Variants in KANSL1 observed in about 807,000 individuals in gnomAD.
The protein encoded by KANSL1 is MLL1/MLL complex subunit KANSL1.
Under a neutral mutation model 103.6 loss-of-function variants are expected in KANSL1, and 22 were observed. The observed-to-expected ratio is 0.21, with a 90% CI of 0.15 to 0.30. The LOEUF (loss-of-function observed/expected upper bound fraction) is 0.30, where lower values mean the gene tolerates loss of function less well. KANSL1 is among the 10% of genes least tolerant of loss of function. KANSL1 has a pLI of 1.00. For synonymous variants in KANSL1, 600 were observed against 527.6 expected (o/e 1.14, Z -1.88); for missense variants, 1,337 against 1,399.8 (o/e 0.96, Z 0.72).
intron 1 of KANSL1, among the ~76,000 whole-genome samples, chr17:46,204,581 C>T (rs1256848258): frequency 6.6e-6 from 1 of 152,168 alleles, no homozygotes; most frequent in Non-Finnish European, 1.5e-5. Context: ...AAGATGAAGC[C>T]AAGAACACAT....
chr17:46,082,683 A>G, intron 3 of KANSL1, 141 bp from the exon 4 acceptor site: 1 of 472,518 alleles, frequency 2.1e-6, no homozygotes, highest in Non-Finnish European at 3.8e-6. Flanking sequence ...AAACTACAGC[A>G]GCAGCAGCTT....
intron 1 of KANSL1, among the ~76,000 whole-genome samples, chr17:46,190,356 T>C (rs2047255689): frequency 6.6e-6 from 1 of 152,200 alleles, no homozygotes; most frequent in South Asian, 2.1e-4. Flanking sequence ...ACCAGAGAAA[T>C]AACATGTGTA....
rs762283385 is a variant in KANSL1, at chr17:46,039,690, C to G, written c.2203+12G>C. ...GATACTCTGGGGGACTTCCCGGCTC[C>G]CTGACACTTACTGGCTGTTGTTAGG... On this transcript the variant is annotated intron_variant, in intron 8 of 14. Transcript: ENST00000432791. 4 of 1,608,962 alleles carry G rather than the reference C, an allele frequency of 2.5e-6. No homozygotes were observed. The East Asian group carries it at 8.9e-5, about 36-fold the overall frequency.
At chr17:46,077,660 CG>C (rs1241186714) in intron 4 of KANSL1, among the ~76,000 whole-genome samples, 1 of 152,122 alleles carries the variant, frequency 6.6e-6, no homozygotes, top group Non-Finnish European at 1.5e-5. Context: ...TGAGTTCAAG[CG>C]ATTCTCCTGC....
At chr17:46,188,683 G>T (rs1330002600) in intron 1 of KANSL1, among the ~76,000 whole-genome samples, 2 of 152,148 alleles carry the variant, frequency 1.3e-5, no homozygotes, top group Admixed American at 1.3e-4. Context: ...CTCAAGGCAG[G>T]AACATTTAAA....
intron 2 of KANSL1, among the ~76,000 whole-genome samples, chr17:46,139,484 C>T (rs907321640): frequency 2.0e-5 from 3 of 152,212 alleles, no homozygotes; most frequent in African/African-American, 7.2e-5. Context: ...ACTCACCCAT[C>T]TAAATGTGCA....
intron 3 of KANSL1, among the ~76,000 whole-genome samples, chr17:46,090,839 G>C (rs1211855786): frequency 6.6e-6 from 1 of 152,182 alleles, no homozygotes; most frequent in Non-Finnish European, 1.5e-5. Context: ...GAAACCTACA[G>C]TGCTGCTATT....
intron 2 of KANSL1, among the ~76,000 whole-genome samples, chr17:46,133,990 G>A (rs139462591): frequency 2.0e-5 from 3 of 152,342 alleles, no homozygotes; most frequent in Non-Finnish European, 4.4e-5. Flanking sequence ...GGAGTGACCA[G>A]ACAGGAATGA....
At chr17:46,142,330 A>C (rs1236967667) in intron 2 of KANSL1, among the ~76,000 whole-genome samples, 1 of 152,240 alleles carries the variant, frequency 6.6e-6, no homozygotes, top group Non-Finnish European at 1.5e-5. Flanking sequence ...AAAACATTAC[A>C]ACAGCCTGGC....
At chr17:46,059,933 G>C (rs1006899753) in intron 6 of KANSL1, among the ~76,000 whole-genome samples, 3 of 151,964 alleles carry the variant, frequency 2.0e-5, no homozygotes, top group Non-Finnish European at 4.4e-5. Flanking sequence ...ACTCCATCTT[G>C]GGGGAGGGGA....
rs58711350 is a variant in KANSL1, at chr17:46,046,528, C to CAAAAAAA, written c.2020+3998_2020+4004dup. On this transcript the variant is annotated intron_variant, in intron 7 of 14. Transcript: ENST00000432791. ...CCTGAGTGACAGAGTGAGACTCTGT[C>CAAAAAAA]AAAAAAAAAAAAAAAAAAAAAAAAA... 5.1e-4 allele frequency among the ~76,000 whole-genome samples: 17 copies of CAAAAAAA among 33,176 alleles called. 3 individuals carry two copies. In the East Asian group the frequency reaches 6.9e-3, roughly 14 times the overall value. 21.8% of individuals were successfully genotyped at this position (33,176 alleles called of 152,430 possible).
chr17:46,032,991 C>CA (rs2077051507), intron 13 of KANSL1, 89 bp downstream of exon 13: 3 of 959,214 alleles, frequency 3.1e-6, no homozygotes, highest in Non-Finnish European at 4.6e-6. Flanking sequence ...AACCAAGAGG[C>CA]AGTAGCAATT....
intron 6 of KANSL1, among the ~76,000 whole-genome samples, chr17:46,054,617 G>C (rs1207605258): frequency 6.6e-6 from 1 of 152,094 alleles, no homozygotes; most frequent in Non-Finnish European, 1.5e-5. Context: ...CTTCTTGCAT[G>C]GTTCCCACAA....
At chr17:46,200,889 C>T (rs1597957448) in intron 1 of KANSL1, among the ~76,000 whole-genome samples, 1 of 152,090 alleles carries the variant, frequency 6.6e-6, no homozygotes, top group Non-Finnish European at 1.5e-5. Context: ...AGCAGCATAC[C>T]ATTCTTGGAA....
chr17:46,091,879 C>G (rs114510053), intron 3 of KANSL1, among the ~76,000 whole-genome samples: 3 of 152,158 alleles, frequency 2.0e-5, no homozygotes, highest in Admixed American at 1.3e-4. Flanking sequence ...AGTGCAGTGT[C>G]GCGATCTCAG....
At chr17:46,089,791 C>A (rs1469261071) in intron 3 of KANSL1, among the ~76,000 whole-genome samples, 2 of 152,236 alleles carry the variant, frequency 1.3e-5, no homozygotes, top group Admixed American at 6.5e-5. Flanking sequence ...CTGCTCTGAT[C>A]TTCCATTGTT....
intron 2 of KANSL1, among the ~76,000 whole-genome samples, chr17:46,145,754 A>G (rs962249913): frequency 6.6e-6 from 1 of 152,110 alleles, no homozygotes; most frequent in African/African-American, 2.4e-5. Flanking sequence ...TCTTGAGAGG[A>G]GTGACTCTCT....
At chr17:46,038,324 T>C in intron 10 of KANSL1, 1 of 580,128 alleles carries the variant, frequency 1.7e-6, no homozygotes, top group South Asian at 2.4e-5. Flanking sequence ...AATCCATCTC[T>C]GCTATGAAAA....
chr17:46,209,424 T>C (rs929836858), intron 1 of KANSL1, among the ~76,000 whole-genome samples: 9 of 152,374 alleles, frequency 5.9e-5, no homozygotes, highest in African/African-American at 2.2e-4. Context: ...TCATTAAATA[T>C]ACTAAATTCC....
Sources: gnomAD v4.1 joint callset for allele counts (sites outside exome capture counted in the v4.1 genomes callset) on GRCh38, gnomAD v4.1.1 for gene constraint, MANE v1.5 for transcripts, NCBI Gene and HGNC (gene_info 2026-07-23, HGNC 2026-07-21) for gene names.